EDNRB: variants seen among roughly 807,000 people sequenced by gnomAD.
EDNRB encodes Hirschsprung disease 2.
A neutral mutation model predicts 46.4 loss-of-function variants in EDNRB; 18 were observed. That is an observed-to-expected ratio of 0.39 (90% CI 0.27 to 0.57). The LOEUF (loss-of-function observed/expected upper bound fraction) is 0.57, where lower values mean the gene tolerates loss of function less well. Among genes scored for constraint, EDNRB ranks in the 20% least tolerant of loss-of-function variants. The pLI is 0.61. For missense variants in EDNRB, 434 were observed against 537.5 expected (o/e 0.81, Z 1.90); for synonymous variants, 213 against 204.9 (o/e 1.04, Z -0.34).
chr13:77,902,705 G>T (rs1173728902), intron 3 of EDNRB, among the ~76,000 whole-genome samples: 1 of 151,946 alleles, frequency 6.6e-6, no homozygotes, highest in African/African-American at 2.4e-5. Flanking sequence ...GCAGCAGTGG[G>T]AACTAGCTAC....
chr13:77,898,462 T>C, intron 6 of EDNRB, 128 bp from the exon 7 acceptor site: 3 of 1,320,102 alleles, frequency 2.3e-6, no homozygotes, highest in Non-Finnish European at 3.1e-6. Context: ...AGTGCTCTTT[T>C]ATTTTCCCTC....
At chr13:77,955,407 T>C (rs1053466340) in intron 1 of EDNRB, among the ~76,000 whole-genome samples, 1 of 152,178 alleles carries the variant, frequency 6.6e-6, no homozygotes, top group African/African-American at 2.4e-5. Flanking sequence ...AATATGTTCT[T>C]CCATTCTGTT....
intron 1 of EDNRB, among the ~76,000 whole-genome samples, chr13:77,943,101 A>C (rs997573026): frequency 1.3e-5 from 2 of 152,106 alleles, no homozygotes; most frequent in African/African-American, 4.8e-5. Flanking sequence ...TTCCAGTCAG[A>C]GTCTATTGTC....
chr13:77,960,882 G>A lies in EDNRB; in HGVS notation c.-52+14465C>T, dbSNP rs570575188. 2.0e-5 allele frequency among the ~76,000 whole-genome samples: 3 copies of A among 149,880 alleles called. No homozygotes were observed. In the South Asian group the frequency reaches 6.3e-4, roughly 32 times the overall value. On this transcript the variant is annotated intron_variant, in intron 1 of 7. Coordinates refer to the EDNRB transcript ENST00000646948. ...ATGGAAAAAAAAAAAAAAAAAAGCA[G>A]GAGTTGCAATCCTAGTCTCTGATAA...
intron 1 of EDNRB, among the ~76,000 whole-genome samples, chr13:77,966,874 T>C (rs1881597933): frequency 6.6e-6 from 1 of 152,224 alleles, no homozygotes; most frequent in South Asian, 2.1e-4. Context: ...TATGTAACAC[T>C]AAATAGTTTG....
chr13:77,941,230 A>C (rs1323529934), intron 1 of EDNRB, among the ~76,000 whole-genome samples: 1 of 152,236 alleles, frequency 6.6e-6, no homozygotes, highest in African/African-American at 2.4e-5. Context: ...CAGAGAAGCC[A>C]AGGGAGGGAA....
chr13:77,968,259 T>C (rs1881635205), intron 1 of EDNRB, among the ~76,000 whole-genome samples: 1 of 152,168 alleles, frequency 6.6e-6, no homozygotes, highest in Non-Finnish European at 1.5e-5. Flanking sequence ...ATTTGCTCCT[T>C]GGTTGTAGAG....
upstream of EDNRB, among the ~76,000 whole-genome samples, chr13:77,923,896 A>T (rs1880159567): frequency 6.6e-6 from 1 of 152,100 alleles, no homozygotes; most frequent in Non-Finnish European, 1.5e-5. Context: ...TTTGTTTTTA[A>T]CAACTGTACT....
At chr13:77,972,007 C>T (rs993739200) in intron 1 of EDNRB, among the ~76,000 whole-genome samples, 1 of 152,172 alleles carries the variant, frequency 6.6e-6, no homozygotes, top group African/African-American at 2.4e-5. Context: ...TTAAGCTCAT[C>T]GCATCCCTTC....
intron 1 of EDNRB, among the ~76,000 whole-genome samples, chr13:77,943,251 T>G (rs12720149): frequency 2.0e-4 from 31 of 152,258 alleles, no homozygotes; most frequent in Middle Eastern, 3.4e-3. Context: ...TTGAATCTAT[T>G]AGAATTTATG....
chr13:77,933,587 G>A (rs1355936215), intron 1 of EDNRB, among the ~76,000 whole-genome samples: 2 of 152,302 alleles, frequency 1.3e-5, no homozygotes, highest in Middle Eastern at 3.4e-3. Flanking sequence ...TGTACGTGCA[G>A]GTCACAGGGG....
intron 1 of EDNRB, among the ~76,000 whole-genome samples, chr13:77,971,942 C>T (rs1381010389): frequency 3.9e-5 from 6 of 152,210 alleles, no homozygotes; most frequent in African/African-American, 1.4e-4. Context: ...AATACCACCA[C>T]ACATCTGCTT....
intron 1 of EDNRB, among the ~76,000 whole-genome samples, chr13:77,908,425 CCAAA>C (rs1879401484): frequency 4.5e-5 from 1 of 21,996 alleles, no homozygotes. Context: ...TGAAGTTTTG[CCAAA>C]AAAAAAAAAA....
At chr13:77,936,925 G>C (rs1229671161) in intron 1 of EDNRB, among the ~76,000 whole-genome samples, 1 of 152,196 alleles carries the variant, frequency 6.6e-6, no homozygotes, top group African/African-American at 2.4e-5. Context: ...TTGTAACTCA[G>C]AAATGCATTG....
intron 1 of EDNRB, among the ~76,000 whole-genome samples, chr13:77,965,639 A>T (rs146490269): frequency 5.1e-4 from 77 of 152,300 alleles, no homozygotes; most frequent in Non-Finnish European, 8.5e-4. Context: ...CTTCCCAAAC[A>T]TCTTATGTTT....
chr13:77,974,657 T>A, intron 1 of EDNRB, among the ~76,000 whole-genome samples: 1 of 151,838 alleles, frequency 6.6e-6, no homozygotes, highest in Non-Finnish European at 1.5e-5. Flanking sequence ...CCACTTATGC[T>A]GCAATTCTCT....
chr13:77,896,846 G>A lies in EDNRB; in HGVS notation c.*1354C>T. ...ATCCCAAGCTATCCTAAGGCACTTT[G>A]CTTAGAAGATATAAAAATTAGGCAG... On this transcript the variant is annotated 3_prime_UTR_variant, in exon 7 of 7. Coordinates refer to ENST00000646607, the MANE Select transcript of EDNRB (RefSeq NM_001122659.3). 1 of 1,058,148 alleles carries A rather than the reference G, an allele frequency of 9.5e-7. No homozygotes were observed. The highest frequency in any genetic ancestry group is 1.1e-6 in the Non-Finnish European group (1 of 878,342). 65.5% of individuals were successfully genotyped at this position (1,058,148 alleles called of 1,614,324 possible).
chr13:77,930,043 G>A (rs776556147), intron 1 of EDNRB, among the ~76,000 whole-genome samples: 10 of 152,144 alleles, frequency 6.6e-5, no homozygotes, highest in East Asian at 1.9e-4. Context: ...TGGAATTCTC[G>A]TAGTTATGGA....
chr13:77,895,557 T>C lies in EDNRB; in HGVS notation c.*2643A>G, dbSNP rs201253040. The C allele has an allele frequency of 6.6e-6, 1 of 152,098 alleles. No individual in the cohort carries two copies. The highest frequency in any genetic ancestry group is 2.4e-5 in the African/African-American group (1 of 41,448). The allele number at this position is 152,098 out of a possible 1,614,324, so 9.4% of individuals were successfully genotyped here. A position where few individuals can be genotyped will look rare whatever the true frequency, so the allele number is the denominator to read the frequency against. ...ATAATTGTATATTTAACATAAATAA[T>C]GTCCACTTGTCACATTTATATTTCT... On this transcript the variant is annotated 3_prime_UTR_variant, in exon 7 of 7. Coordinates refer to ENST00000646607, the MANE Select transcript of EDNRB (RefSeq NM_001122659.3).
Sources: gnomAD v4.1 joint callset for allele counts (sites outside exome capture counted in the v4.1 genomes callset) on GRCh38, gnomAD v4.1.1 for gene constraint, MANE v1.5 for transcripts, NCBI Gene and HGNC (gene_info 2026-07-23, HGNC 2026-07-21) for gene names.